Variants in SORCS3 observed in about 807,000 individuals in gnomAD.
The protein encoded by SORCS3 is VPS10 domain-containing receptor SorCS3.
A neutral mutation model predicts 146.3 loss-of-function variants in SORCS3; 57 were observed. That is an observed-to-expected ratio of 0.39 (90% confidence interval 0.31 to 0.49). The LOEUF (loss-of-function observed/expected upper bound fraction) is 0.49. SORCS3 is among the 20% of genes least tolerant of loss of function. SORCS3 has a pLI of 0.92. For synonymous variants in SORCS3, 653 were observed against 618.5 expected, an observed-to-expected ratio of 1.06 and a Z score of -0.83; for missense variants, 1,341 against 1,575.5, an observed-to-expected ratio of 0.85 and a Z score of 2.52.
At chr10:104,743,521 G>A (rs944145558) in intron 1 of SORCS3, among the ~76,000 whole-genome samples, 1 of 152,166 alleles carries the variant, frequency 6.6e-6, no homozygotes, top group African/African-American at 2.4e-5. Flanking sequence ...TGTAGTAGAA[G>A]GCAGTGGGGG....
intron 19 of SORCS3, among the ~76,000 whole-genome samples, chr10:105,220,593 A>G (rs1231013936): frequency 6.6e-6 from 1 of 152,184 alleles, no homozygotes; most frequent in African/African-American, 2.4e-5. Context: ...GAAGAGAAGC[A>G]GTGACTTTGA....
At chr10:104,863,255 G>A (rs879872487) in intron 2 of SORCS3, among the ~76,000 whole-genome samples, 1 of 152,208 alleles carries the variant, frequency 6.6e-6, no homozygotes, top group Non-Finnish European at 1.5e-5. Context: ...CCAGTTCTCA[G>A]AGGCAAACTA....
chr10:104,975,770 A>C (rs2054892967), intron 3 of SORCS3, among the ~76,000 whole-genome samples: 1 of 152,226 alleles, frequency 6.6e-6, no homozygotes, highest in Admixed American at 6.5e-5. Context: ...ATCTACAACT[A>C]TCTGATTTTT....
chr10:104,725,194 A>G (rs1427450548), intron 1 of SORCS3, among the ~76,000 whole-genome samples: 2 of 152,218 alleles, frequency 1.3e-5, no homozygotes, highest in Admixed American at 6.5e-5. Context: ...TCCTTCTAAC[A>G]GTCAGGACCC....
At chr10:104,792,171 C>T (rs971527) in intron 1 of SORCS3, among the ~76,000 whole-genome samples, 27,194 of 152,088 alleles carry the variant, frequency 0.18, 3,078 homozygotes, top group Admixed American at 0.28. Flanking sequence ...AAGAGAAACT[C>T]ATGTTTTTGG....
Position 105,217,137 on chromosome 10 carries a change from C to T in SORCS3, c.2734+15C>T, listed in dbSNP as rs766398861. On this transcript the variant is annotated intron_variant, in intron 19 of 26. Coordinates refer to ENST00000369701, the MANE Select transcript of SORCS3 (RefSeq NM_014978.3). ...GCATGTGGTTTGTAAGTAGGAGGCA[C>T]CATCCCCGTTTTCCCTTTGTTCCCA... is the stretch of plus-strand genomic sequence containing the variant. 1 of 1,611,996 alleles carries T rather than the reference C, an allele frequency of 6.2e-7. No homozygotes were observed. Among genetic ancestry groups the T allele is most frequent in the Non-Finnish European group, 8.5e-7 (1 of 1,178,634 alleles).
chr10:105,147,642 A>C lies in SORCS3; in HGVS notation c.1328A>C (p.Glu443Ala), dbSNP rs779457171. 6.2e-7 allele frequency: 1 copy of C among 1,612,818 alleles called. No homozygotes were observed. The highest frequency in any genetic ancestry group is 8.5e-7 in the Non-Finnish European group (1 of 1,179,110). ...GACATGCACATCATCAGTACAGACG[A>C]GAACCAAGTATTTGCTGCGGTCCAA... The part of the protein sequence containing the change: ...PKDMHIISTD[E>A]NQVFAAVQEW... The change falls in exon 9 of 27, where the codon GAG (glutamate) becomes GCG (alanine). Residue 443 changes from glutamate (E) to alanine (A), a missense_variant. Glu to Ala is a moderately radical substitution (Grantham distance 107). Transcript: ENST00000369701.
chr10:104,642,860 G>A (rs1445339731), intron 1 of SORCS3, among the ~76,000 whole-genome samples: 1 of 152,188 alleles, frequency 6.6e-6, no homozygotes, highest in Non-Finnish European at 1.5e-5. Context: ...GCGTCGTTGA[G>A]CCCGGTCTGG....
chr10:104,811,935 C>G (rs2133519191), intron 1 of SORCS3, among the ~76,000 whole-genome samples: 1 of 152,262 alleles, frequency 6.6e-6, no homozygotes, highest in African/African-American at 2.4e-5. Flanking sequence ...CCCTGCTTGA[C>G]TATTATGCAA....
At position 105,168,157 on chromosome 10, in the gene SORCS3, A is replaced by G. The variant is rs1380741946; in HGVS notation, c.1901+808A>G. 2.0e-5 allele frequency among the ~76,000 whole-genome samples: 3 copies of G among 151,958 alleles called. No homozygotes were observed. In the East Asian group the frequency reaches 5.8e-4, roughly 29 times the overall value. ...GAATTGAAACAGAGGTGGGGATGAA[A>G]GTTAGACTATAATAGATTTATAAAC... On this transcript the variant is annotated intron_variant, in intron 13 of 26. Transcript: ENST00000369701.
intron 5 of SORCS3, among the ~76,000 whole-genome samples, chr10:105,066,718 G>A (rs2055525120): frequency 6.6e-6 from 1 of 152,158 alleles, no homozygotes; most frequent in African/African-American, 2.4e-5. Flanking sequence ...GCTACCTGGT[G>A]TTGTTTTCTA....
intron 3 of SORCS3, among the ~76,000 whole-genome samples, chr10:104,946,969 T>G (rs540120987): frequency 6.6e-5 from 10 of 152,122 alleles, no homozygotes; most frequent in Non-Finnish European, 1.0e-4. Flanking sequence ...TGGATGAAAC[T>G]GTGCTGAGGT....
intron 1 of SORCS3, among the ~76,000 whole-genome samples, chr10:104,837,675 C>A (rs1397718555): frequency 6.6e-6 from 1 of 152,118 alleles, no homozygotes; most frequent in African/African-American, 2.4e-5. Flanking sequence ...TTATCTTTAC[C>A]CCTGGGCCTT....
chr10:104,679,503 G>A (rs1361454883), intron 1 of SORCS3, among the ~76,000 whole-genome samples: 4 of 152,192 alleles, frequency 2.6e-5, no homozygotes, highest in African/African-American at 7.2e-5. Flanking sequence ...CACTTTTCCT[G>A]TCTTAATCCT....
chr10:104,795,421 G>A (rs567091218), intron 1 of SORCS3, among the ~76,000 whole-genome samples: 9 of 152,120 alleles, frequency 5.9e-5, no homozygotes, highest in Non-Finnish European at 1.3e-4. Flanking sequence ...CATAGTATTT[G>A]TATTCCTAGA....
intron 1 of SORCS3, among the ~76,000 whole-genome samples, chr10:104,780,570 CCT>C (rs1460690435): frequency 6.6e-6 from 1 of 152,166 alleles, no homozygotes; most frequent in African/African-American, 2.4e-5. Context: ...GGTTATTGCC[CCT>C]GTTTGGATCT....
intron 4 of SORCS3, among the ~76,000 whole-genome samples, chr10:104,985,648 A>T (rs1453819953): frequency 1.3e-5 from 2 of 152,168 alleles, no homozygotes; most frequent in Non-Finnish European, 2.9e-5. Flanking sequence ...TGTATTTCTT[A>T]AAATAATAAG....
intron 1 of SORCS3, among the ~76,000 whole-genome samples, chr10:104,685,871 TAGTGAG>T (rs1268618451): frequency 6.6e-6 from 1 of 152,192 alleles, no homozygotes; most frequent in East Asian, 1.9e-4. Flanking sequence ...GAACATCCCC[TAGTGAG>T]ACCCAGTAGA....
At chr10:105,045,639 C>T (rs2055367006) in intron 5 of SORCS3, among the ~76,000 whole-genome samples, 2 of 152,012 alleles carry the variant, frequency 1.3e-5, no homozygotes, top group Admixed American at 1.3e-4. Flanking sequence ...TTGTTATCTC[C>T]TTGAGAAAAG....
Sources: allele counts gnomAD v4.1 joint callset (sites outside exome capture counted in the v4.1 genomes callset), GRCh38; gene constraint gnomAD v4.1.1; transcripts MANE v1.5; gene names NCBI Gene and HGNC (gene_info 2026-07-23, HGNC 2026-07-21).